ZSWIM6: variants seen among roughly 807,000 people sequenced by gnomAD.
ZSWIM6 encodes zinc finger SWIM-type containing 6.
Under a neutral mutation model 113.2 loss-of-function variants are expected in ZSWIM6, and 9 were observed. The ratio of observed to expected loss-of-function variants is 0.08; its 90% CI spans 0.05 to 0.14. The LOEUF is 0.14. Ranked by LOEUF, ZSWIM6 falls within the 10% of genes least tolerant of loss-of-function variation. The pLI is 1.00. For synonymous variants in ZSWIM6, 611 were observed against 606.5 expected, an observed-to-expected ratio of 1.01 and a Z score of -0.11; for missense variants, 1,162 against 1,552.2, an observed-to-expected ratio of 0.75 and a Z score of 4.22.
intron 1 of ZSWIM6, among the ~76,000 whole-genome samples, chr5:61,359,394 C>A (rs1028001620): frequency 6.6e-6 from 1 of 152,154 alleles, no homozygotes. Context: ...ATGACGTGAT[C>A]TGACCGCTCT....
chr5:61,355,827 ATTTG>A (rs1744895632), intron 1 of ZSWIM6, among the ~76,000 whole-genome samples: 1 of 152,198 alleles, frequency 6.6e-6, no homozygotes, highest in Non-Finnish European at 1.5e-5. Flanking sequence ...AAATGATAAT[ATTTG>A]TGTTAAAAGT....
intron 2 of ZSWIM6, among the ~76,000 whole-genome samples, chr5:61,480,694 T>C (rs1020523068): frequency 5.3e-5 from 8 of 152,190 alleles, no homozygotes; most frequent in Admixed American, 2.6e-4. Flanking sequence ...GTTTATTGAG[T>C]GTACATCATT....
intron 1 of ZSWIM6, among the ~76,000 whole-genome samples, chr5:61,363,684 T>C (rs1745078800): frequency 6.6e-6 from 1 of 152,198 alleles, no homozygotes; most frequent in Non-Finnish European, 1.5e-5. Flanking sequence ...ATATGAGCAC[T>C]GCTGAGGTTT....
intron 1 of ZSWIM6, among the ~76,000 whole-genome samples, chr5:61,364,456 A>G (rs1745110437): frequency 6.6e-6 from 1 of 152,222 alleles, no homozygotes; most frequent in Admixed American, 6.5e-5. Context: ...AAAAATCAAA[A>G]GAATAATATT....
At chr5:61,335,624 T>C (rs1744375591) in intron 1 of ZSWIM6, among the ~76,000 whole-genome samples, 1 of 152,264 alleles carries the variant, frequency 6.6e-6, no homozygotes, top group Admixed American at 6.5e-5. Flanking sequence ...ACTTTGTTGA[T>C]AGCACCATAA....
intron 1 of ZSWIM6, among the ~76,000 whole-genome samples, chr5:61,455,705 C>T (rs28640139): frequency 0.035 from 5,396 of 152,170 alleles, 340 homozygotes; most frequent in African/African-American, 0.12. Context: ...GCAGTGAGGG[C>T]AATACTGGGA....
intron 1 of ZSWIM6, among the ~76,000 whole-genome samples, chr5:61,407,087 A>G (rs1746058459): frequency 6.6e-6 from 1 of 152,114 alleles, no homozygotes; most frequent in African/African-American, 2.4e-5. Flanking sequence ...AAATTTAGTT[A>G]TTGAAACTGG....
At chr5:61,337,284 C>A (rs955907444) in intron 1 of ZSWIM6, among the ~76,000 whole-genome samples, 14 of 147,280 alleles carry the variant, frequency 9.5e-5, no homozygotes, top group South Asian at 2.1e-4. Flanking sequence ...GTCTCCCCCC[C>A]CAAAAAAAAC....
intron 1 of ZSWIM6, among the ~76,000 whole-genome samples, chr5:61,465,969 T>G (rs892376182): frequency 6.6e-6 from 1 of 152,208 alleles, no homozygotes; most frequent in African/African-American, 2.4e-5. Flanking sequence ...AGGATTTAAT[T>G]AGCCAGCTCA....
chr5:61,380,823 G>A (rs548861448), intron 1 of ZSWIM6, among the ~76,000 whole-genome samples: 10 of 152,264 alleles, frequency 6.6e-5, no homozygotes, highest in Admixed American at 1.3e-4. Flanking sequence ...TTTATGGGCC[G>A]GGCGAGGTGG....
At chr5:61,457,825 A>G (rs1180343390) in intron 1 of ZSWIM6, among the ~76,000 whole-genome samples, 1 of 151,900 alleles carries the variant, frequency 6.6e-6, no homozygotes, top group Non-Finnish European at 1.5e-5. Flanking sequence ...ACCCAGCCCC[A>G]TATATCTTTT....
chr5:61,524,632 A>G (rs1371636015), intron 5 of ZSWIM6, among the ~76,000 whole-genome samples: 1 of 152,150 alleles, frequency 6.6e-6, no homozygotes, highest in Non-Finnish European at 1.5e-5. Flanking sequence ...TGAGTTCTCC[A>G]GTCTCTTCTT....
At chr5:61,436,558 C>G (rs1746712294) in intron 1 of ZSWIM6, among the ~76,000 whole-genome samples, 2 of 152,156 alleles carry the variant, frequency 1.3e-5, no homozygotes, top group South Asian at 4.1e-4. Context: ...CTGGCTACTT[C>G]CATGAATTTG....
At chr5:61,391,711 G>A in intron 1 of ZSWIM6, 3 of 1,147,090 alleles carry the variant, frequency 2.6e-6, no homozygotes, top group Non-Finnish European at 4.0e-6. Flanking sequence ...CATGATGTTG[G>A]TCATGCCAGC....
intron 1 of ZSWIM6, among the ~76,000 whole-genome samples, chr5:61,394,732 G>A (rs1745804367): frequency 6.6e-6 from 1 of 152,206 alleles, no homozygotes; most frequent in Non-Finnish European, 1.5e-5. Context: ...GCTTACAGGT[G>A]GTTGGCCAGA....
intron 1 of ZSWIM6, among the ~76,000 whole-genome samples, chr5:61,358,782 T>G (rs944397054): frequency 2.0e-5 from 3 of 152,228 alleles, no homozygotes; most frequent in African/African-American, 7.2e-5. Flanking sequence ...TGGTTTAAGG[T>G]GCTGAGCCAG....
chr5:61,538,762 G>A (rs1223294747), intron 10 of ZSWIM6, 52 bp from the exon 11 acceptor site: 1 of 1,511,610 alleles, frequency 6.6e-7, no homozygotes, highest in Non-Finnish European at 8.9e-7. Flanking sequence ...TTCTGGCCAA[G>A]GACATGGTCA....
At chr5:61,419,155 G>T (rs1217678378) in intron 1 of ZSWIM6, among the ~76,000 whole-genome samples, 1 of 152,196 alleles carries the variant, frequency 6.6e-6, no homozygotes, top group African/African-American at 2.4e-5. Context: ...TAGTTTCCAT[G>T]TATAGTAATG....
chr5:61,430,383 A>G (rs1039047242), intron 1 of ZSWIM6, among the ~76,000 whole-genome samples: 4 of 152,190 alleles, frequency 2.6e-5, no homozygotes, highest in African/African-American at 9.7e-5. Context: ...TTTCTATAAT[A>G]TTTTGGGAAA....
Sources: gnomAD v4.1 joint callset for allele counts (sites outside exome capture counted in the v4.1 genomes callset) on GRCh38, gnomAD v4.1.1 for gene constraint, MANE v1.5 for transcripts, NCBI Gene and HGNC (gene_info 2026-07-23, HGNC 2026-07-21) for gene names.